SSBP2: variants seen among roughly 807,000 people sequenced by gnomAD.
SSBP2 encodes single stranded DNA binding protein 2, also known as single-stranded DNA-binding protein 2.
SSBP2 carries 17 observed loss-of-function variants against 61.8 expected under a neutral mutation model. The ratio of observed to expected loss-of-function variants is 0.28; its 90% CI spans 0.19 to 0.41. The LOEUF (loss-of-function observed/expected upper bound fraction) is 0.41. Among genes scored for constraint, SSBP2 ranks in the 10% least tolerant of loss-of-function variants. SSBP2 has a pLI of 1.00. For synonymous variants in SSBP2, 139 were observed against 141.3 expected, an observed-to-expected ratio of 0.98 and a Z score of 0.12; for missense variants, 310 against 458.7, an observed-to-expected ratio of 0.68 and a Z score of 2.96.
At chr5:81,741,043 A>T (rs911331556) in intron 1 of SSBP2, among the ~76,000 whole-genome samples, 2 of 152,112 alleles carry the variant, frequency 1.3e-5, no homozygotes, top group African/African-American at 4.8e-5. Flanking sequence ...AAACACACTG[A>T]GTCAAAATAG....
intron 6 of SSBP2, among the ~76,000 whole-genome samples, chr5:81,487,773 T>A (rs1766489206): frequency 6.6e-6 from 1 of 151,334 alleles, no homozygotes; most frequent in Admixed American, 6.6e-5. Flanking sequence ...AACTTGTTCA[T>A]CTTAAAACCA....
At chr5:81,509,568 C>A (rs1277536473) in intron 5 of SSBP2, among the ~76,000 whole-genome samples, 3 of 151,984 alleles carry the variant, frequency 2.0e-5, no homozygotes, top group Non-Finnish European at 4.4e-5. Context: ...ATTATATGTA[C>A]CAAAAGATAA....
chr5:81,567,156 T>C (rs1205418405), intron 4 of SSBP2, among the ~76,000 whole-genome samples: 5 of 152,144 alleles, frequency 3.3e-5, no homozygotes, highest in African/African-American at 9.7e-5. Flanking sequence ...ATGGGGAAAA[T>C]GTCTCCAGGA....
chr5:81,577,998 A>T (rs967977479), intron 4 of SSBP2, among the ~76,000 whole-genome samples: 2 of 152,044 alleles, frequency 1.3e-5, no homozygotes, highest in African/African-American at 4.8e-5. Context: ...GCCACATTTT[A>T]TAGAATAAAA....
At chr5:81,646,307 T>C (rs534723046) in intron 2 of SSBP2, among the ~76,000 whole-genome samples, 3 of 152,302 alleles carry the variant, frequency 2.0e-5, no homozygotes, top group Non-Finnish European at 4.4e-5. Context: ...GGTGAGAACA[T>C]TGGATAATGT....
At chr5:81,707,141 G>A (rs1046440349) in intron 1 of SSBP2, among the ~76,000 whole-genome samples, 3 of 152,094 alleles carry the variant, frequency 2.0e-5, no homozygotes, top group African/African-American at 7.2e-5. Flanking sequence ...AGAGCAGTGA[G>A]GATCAAATGA....
intron 4 of SSBP2, among the ~76,000 whole-genome samples, chr5:81,556,766 T>C (rs896237989): frequency 6.6e-6 from 1 of 152,162 alleles, no homozygotes; most frequent in Admixed American, 6.5e-5. Flanking sequence ...GTTCAAATCC[T>C]GATTCTGTTC....
intron 10 of SSBP2, among the ~76,000 whole-genome samples, chr5:81,449,880 G>C (rs1013302546): frequency 6.6e-6 from 1 of 152,192 alleles, no homozygotes; most frequent in Non-Finnish European, 1.5e-5. Flanking sequence ...GCCACTGCTA[G>C]AGTGCCCAGC....
In SSBP2 at chr5:81,428,650, GTT is replaced by G; in HGVS notation, c.989_990del (p.Gln330ProfsTer7). Reference sequence around the variant, plus strand: ...TCGCCATCATCCCTTGGAGTGCCCGGTTGATTACTCAGGCTCATATTATTGGG... The same window carrying G: ...TCGCCATCATCCCTTGGAGTGCCCGGGATTACTCAGGCTCATATTATTGGG... On this transcript the variant is annotated frameshift_variant, in exon 16 of 17. Coordinates refer to ENST00000320672, the MANE Select transcript of SSBP2 (RefSeq NM_012446.5). LOFTEE classifies it high-confidence loss of function. 5 of 1,613,280 alleles carry G rather than the reference GTT, an allele frequency of 3.1e-6. No homozygotes were observed. In the Admixed American group the frequency reaches 8.3e-5, roughly 27 times the overall value.
chr5:81,606,090 C>T (rs114278411), intron 4 of SSBP2, among the ~76,000 whole-genome samples: 1 of 152,036 alleles, frequency 6.6e-6, no homozygotes, highest in Non-Finnish European at 1.5e-5. Context: ...CAATTTTGAT[C>T]CAGGAAAATC....
intron 14 of SSBP2, among the ~76,000 whole-genome samples, chr5:81,439,286 T>C (rs1249422228): frequency 6.6e-6 from 1 of 152,214 alleles, no homozygotes; most frequent in African/African-American, 2.4e-5. Flanking sequence ...AATTAGTTTA[T>C]GGTCATGTTA....
intron 16 of SSBP2, among the ~76,000 whole-genome samples, chr5:81,425,192 G>A (rs985321841): frequency 6.6e-6 from 1 of 152,138 alleles, no homozygotes; most frequent in Non-Finnish European, 1.5e-5. Context: ...TTTCCATGAA[G>A]TCTTTGAACA....
At chr5:81,463,305 A>G (rs1181107636) in intron 9 of SSBP2, among the ~76,000 whole-genome samples, 2 of 152,212 alleles carry the variant, frequency 1.3e-5, no homozygotes, top group Admixed American at 1.3e-4. Context: ...GGCCCTCAGT[A>G]TTATTAAGAA....
At chr5:81,642,406 A>G (rs1482323632) in intron 2 of SSBP2, among the ~76,000 whole-genome samples, 1 of 152,152 alleles carries the variant, frequency 6.6e-6, no homozygotes, top group Non-Finnish European at 1.5e-5. Flanking sequence ...TTTCATGTAA[A>G]TCTCAAGGCC....
At chr5:81,426,083 C>T (rs762019277) in intron 16 of SSBP2, among the ~76,000 whole-genome samples, 23 of 152,322 alleles carry the variant, frequency 1.5e-4, no homozygotes, top group Admixed American at 3.9e-4. Flanking sequence ...ATTAAGAGTT[C>T]TGCTTTTCCT....
intron 1 of SSBP2, among the ~76,000 whole-genome samples, chr5:81,701,075 T>C (rs964471530): frequency 6.6e-6 from 1 of 152,230 alleles, no homozygotes; most frequent in Non-Finnish European, 1.5e-5. Flanking sequence ...GCTTTTGACA[T>C]GTCTTCTTCA....
At chr5:81,550,983 C>CTGA (rs962447140) in intron 4 of SSBP2, among the ~76,000 whole-genome samples, 3 of 151,102 alleles carry the variant, frequency 2.0e-5, no homozygotes, top group African/African-American at 7.3e-5. Context: ...GTAGTCCCAC[C>CTGA]TACTCAGGAG....
At chr5:81,706,696 G>GT (rs1754418664) in intron 1 of SSBP2, among the ~76,000 whole-genome samples, 1 of 152,154 alleles carries the variant, frequency 6.6e-6, no homozygotes, top group South Asian at 2.1e-4. Flanking sequence ...CTAAATAACA[G>GT]TAACGAGTTC....
intron 4 of SSBP2, among the ~76,000 whole-genome samples, chr5:81,575,342 A>G (rs1581063796): frequency 6.6e-6 from 1 of 152,234 alleles, no homozygotes; most frequent in Admixed American, 6.5e-5. Context: ...TGGCTCGTGG[A>G]GTTTAAAATG....
Sources: allele counts gnomAD v4.1 joint callset (sites outside exome capture counted in the v4.1 genomes callset), GRCh38; gene constraint gnomAD v4.1.1; transcripts MANE v1.5; gene names NCBI Gene and HGNC (gene_info 2026-07-23, HGNC 2026-07-21).